Variants in CADM2 observed in about 807,000 individuals in gnomAD.
CADM2 encodes immunoglobulin superfamily member 4D.
In CADM2, 12 loss-of-function variants were observed where a neutral mutation model predicts 49.8. The observed-to-expected ratio is 0.24, with a 90% CI of 0.15 to 0.39. CADM2 has a LOEUF of 0.39. Among genes scored for constraint, CADM2 ranks in the 10% least tolerant of loss-of-function variants. The pLI is 1.00. For synonymous variants in CADM2, 214 were observed against 175.4 expected, an observed-to-expected ratio of 1.22 and a Z score of -1.74; for missense variants, 378 against 492.3, an observed-to-expected ratio of 0.77 and a Z score of 2.20.
intron 1 of CADM2, among the ~76,000 whole-genome samples, chr3:84,963,456 T>C (rs1180901929): frequency 6.6e-6 from 1 of 152,176 alleles, no homozygotes; most frequent in Non-Finnish European, 1.5e-5. Flanking sequence ...GAAATAATCA[T>C]GCATACATGC....
chr3:85,015,161 G>GTA (rs749905357), intron 1 of CADM2, among the ~76,000 whole-genome samples: 24 of 151,476 alleles, frequency 1.6e-4, no homozygotes, highest in South Asian at 8.3e-4. Flanking sequence ...ATGGGTATGT[G>GTA]TATATATATA....
chr3:85,502,850 ACT>A (rs2040173541), intron 1 of CADM2, among the ~76,000 whole-genome samples: 1 of 152,164 alleles, frequency 6.6e-6, no homozygotes, highest in Non-Finnish European at 1.5e-5. Flanking sequence ...CTTATCAATT[ACT>A]GTTTATGTCA....
In CADM2 at chr3:85,884,827, C is replaced by T. The variant is rs577920746; in HGVS notation, c.392-1363C>T. Among the ~76,000 whole-genome samples the T allele has an allele frequency of 9.3e-5, 14 of 150,478 alleles. No homozygotes were observed. The South Asian group carries it at 1.1e-3, about 11-fold the overall frequency. ...GCAACCTCTGTCTCCCAAGTTCAAG[C>T]GATTCTCCTGCCTCAGCCTTCTGAG... On this transcript the variant is annotated intron_variant, in intron 4 of 9. Coordinates refer to ENST00000383699, the MANE Select transcript of CADM2 (RefSeq NM_001167675.2).
intron 1 of CADM2, among the ~76,000 whole-genome samples, chr3:85,080,157 G>A (rs2037109412): frequency 6.6e-6 from 1 of 151,940 alleles, no homozygotes; most frequent in South Asian, 2.1e-4. Flanking sequence ...CTTAAATGAT[G>A]TACTTCTTTA....
At chr3:85,346,184 A>G (rs1018890914) in intron 1 of CADM2, among the ~76,000 whole-genome samples, 1 of 152,202 alleles carries the variant, frequency 6.6e-6, no homozygotes, top group Admixed American at 6.5e-5. Context: ...TATAATTTAA[A>G]TCAACACTTA....
chr3:85,749,406 A>T (rs1444292473), intron 2 of CADM2, among the ~76,000 whole-genome samples: 3 of 151,988 alleles, frequency 2.0e-5, no homozygotes, highest in Non-Finnish European at 4.4e-5. Context: ...TTCTTCAGTT[A>T]TCTTTACTTT....
intron 3 of CADM2, among the ~76,000 whole-genome samples, chr3:85,812,614 T>G (rs913794354): frequency 1.3e-5 from 2 of 152,194 alleles, no homozygotes; most frequent in African/African-American, 2.4e-5. Flanking sequence ...TTTTGTTACA[T>G]AGCTATACAC....
At chr3:85,793,560 A>G (rs933900464) in intron 2 of CADM2, among the ~76,000 whole-genome samples, 1 of 152,144 alleles carries the variant, frequency 6.6e-6, no homozygotes, top group Non-Finnish European at 1.5e-5. Flanking sequence ...GTGTTTGCCA[A>G]CTTCCCTAGT....
At chr3:85,765,575 TC>T (rs1198567327) in intron 2 of CADM2, among the ~76,000 whole-genome samples, 5 of 152,154 alleles carry the variant, frequency 3.3e-5, no homozygotes, top group African/African-American at 1.2e-4. Context: ...TTCCTCTAAT[TC>T]CTTTATATGG....
chr3:85,112,393 G>A (rs78050544), intron 1 of CADM2, among the ~76,000 whole-genome samples: 2 of 150,660 alleles, frequency 1.3e-5, no homozygotes, highest in Admixed American at 6.6e-5. Context: ...ACTATAAAGT[G>A]AAGTTAAAGT....
At chr3:85,230,994 T>C (rs955366985) in intron 1 of CADM2, among the ~76,000 whole-genome samples, 1 of 149,388 alleles carries the variant, frequency 6.7e-6, no homozygotes, top group South Asian at 2.1e-4. Context: ...GTTTGTTTTT[T>C]TCTGGAAAAA....
chr3:85,103,333 C>A (rs968829269), intron 1 of CADM2, among the ~76,000 whole-genome samples: 4 of 151,454 alleles, frequency 2.6e-5, no homozygotes, highest in Admixed American at 2.6e-4. Context: ...TTAGTGTAAC[C>A]ATAAATAAAG....
chr3:85,162,661 C>A (rs1180573460), intron 1 of CADM2, among the ~76,000 whole-genome samples: 1 of 152,026 alleles, frequency 6.6e-6, no homozygotes, highest in Non-Finnish European at 1.5e-5. Context: ...CATCTATACA[C>A]TGTTATTAAC....
chr3:85,333,119 T>C (rs1468616406), intron 1 of CADM2, among the ~76,000 whole-genome samples: 1 of 151,832 alleles, frequency 6.6e-6, no homozygotes, highest in Non-Finnish European at 1.5e-5. Flanking sequence ...TGGGATTTAA[T>C]CTTTGCATTG....
intron 1 of CADM2, among the ~76,000 whole-genome samples, chr3:85,004,167 T>G (rs1185537438): frequency 2.0e-5 from 3 of 152,164 alleles, no homozygotes; most frequent in Non-Finnish European, 4.4e-5. Context: ...CTGGCCATTG[T>G]TTTTTATTTA....
At position 85,810,532 on chromosome 3, in the gene CADM2, G is replaced by GTTTTTT. The variant is rs71112120; in HGVS notation, c.238+8355_238+8360dup. On this transcript the variant is annotated intron_variant, in intron 3 of 9. Coordinates refer to ENST00000383699, the MANE Select transcript of CADM2 (RefSeq NM_001167675.2). ...TTAAAGTATATGCTCATAGAATTCTGTTTTTTTTTTTTTTTTTTTTTTTTG... is the reference window on the plus strand; with the variant it reads ...TTAAAGTATATGCTCATAGAATTCTGTTTTTTTTTTTTTTTTTTTTTTTTTTTTTTG... 1.1e-4 allele frequency among the ~76,000 whole-genome samples: 10 copies of GTTTTTT among 87,174 alleles called. 1 individual carries two copies. The highest frequency in any genetic ancestry group is 1.3e-4 in the Non-Finnish European group (6 of 47,242). The allele number at this position is 87,174 out of a possible 152,430, so 57.2% of individuals were successfully genotyped here.
chr3:85,174,802 G>A (rs181409251), intron 1 of CADM2, among the ~76,000 whole-genome samples: 212 of 152,160 alleles, frequency 1.4e-3, no homozygotes, highest in Non-Finnish European at 2.3e-3. Context: ...GCTTATTAGA[G>A]GATAATGCAT....
At chr3:85,066,839 G>A (rs2107461135) in intron 1 of CADM2, among the ~76,000 whole-genome samples, 1 of 152,252 alleles carries the variant, frequency 6.6e-6, no homozygotes, top group Non-Finnish European at 1.5e-5. Context: ...CCTTAACCTA[G>A]TTTTACCTTA....
At chr3:85,536,334 T>C (rs2061420603) in intron 1 of CADM2, among the ~76,000 whole-genome samples, 1 of 151,972 alleles carries the variant, frequency 6.6e-6, no homozygotes, top group African/African-American at 2.4e-5. Flanking sequence ...ACAAAGAAAG[T>C]ATATTAAATC....
Sources: allele counts gnomAD v4.1 joint callset (sites outside exome capture counted in the v4.1 genomes callset), GRCh38; gene constraint gnomAD v4.1.1; transcripts MANE v1.5; gene names NCBI Gene and HGNC (gene_info 2026-07-23, HGNC 2026-07-21).